The following MTX2 variants were observed in gnomAD, a reference collection of about 807,000 sequenced individuals.
MTX2 encodes metaxin-2.
In MTX2, 35 loss-of-function variants were observed where a neutral mutation model predicts 42.3. The observed-to-expected ratio is 0.83, with a 90% CI of 0.63 to 1.10. MTX2 has a LOEUF of 1.10. Ranked by LOEUF, MTX2 falls within the 50% of genes least tolerant of loss-of-function variation. The pLI is 0.00. For missense variants in MTX2, 307 were observed against 304.1 expected, an observed-to-expected ratio of 1.01 and a Z score of -0.07; for synonymous variants, 119 against 100.9, an observed-to-expected ratio of 1.18 and a Z score of -1.08.
At chr2:176,317,713 G>C (rs1684480851) in intron 3 of MTX2, among the ~76,000 whole-genome samples, 1 of 152,080 alleles carries the variant, frequency 6.6e-6, no homozygotes. Context: ...GGGATCCTGT[G>C]TGAACCTCGA....
intron 3 of MTX2, among the ~76,000 whole-genome samples, chr2:176,298,392 C>T (rs1372248359): frequency 1.3e-5 from 2 of 152,058 alleles, no homozygotes; most frequent in Non-Finnish European, 2.9e-5. Flanking sequence ...TTATTGATTA[C>T]ATGAGTGTTT....
chr2:176,296,169 A>C (rs1353664641), intron 1 of MTX2, among the ~76,000 whole-genome samples: 2 of 152,184 alleles, frequency 1.3e-5, no homozygotes, highest in Non-Finnish European at 2.9e-5. Context: ...TTAAGGGTCA[A>C]GTCAAGTTTC....
intron 1 of MTX2, among the ~76,000 whole-genome samples, chr2:176,282,625 T>C (rs1050180704): frequency 2.6e-5 from 4 of 152,152 alleles, no homozygotes; most frequent in Non-Finnish European, 2.9e-5. Context: ...TTTGTTCTAA[T>C]GTGTATATTA....
At chr2:176,313,574 A>G (rs968094943) in intron 3 of MTX2, among the ~76,000 whole-genome samples, 1 of 151,670 alleles carries the variant, frequency 6.6e-6, no homozygotes, top group South Asian at 2.1e-4. Flanking sequence ...TTGTGTTTTT[A>G]GTAGAGACGG....
At chr2:176,309,147 T>C (rs985073480) in intron 3 of MTX2, among the ~76,000 whole-genome samples, 17 of 152,204 alleles carry the variant, frequency 1.1e-4, no homozygotes, top group Non-Finnish European at 1.9e-4. Context: ...ATTTCGTTAT[T>C]TACCCAGTAG....
intron 9 of MTX2, among the ~76,000 whole-genome samples, chr2:176,334,879 T>C (rs565376006): frequency 6.6e-6 from 1 of 152,064 alleles, no homozygotes; most frequent in East Asian, 1.9e-4. Context: ...AGTTATAATA[T>C]GGTATGAGAA....
intron 1 of MTX2, among the ~76,000 whole-genome samples, chr2:176,283,680 G>T (rs573146159): frequency 2.6e-5 from 4 of 152,166 alleles, no homozygotes; most frequent in Non-Finnish European, 5.9e-5. Flanking sequence ...AAAAACATAG[G>T]TGCTGACATT....
intron 9 of MTX2, among the ~76,000 whole-genome samples, chr2:176,332,806 ACACT>A (rs563917570): frequency 4.6e-5 from 7 of 151,584 alleles, no homozygotes; most frequent in Admixed American, 2.6e-4. Context: ...CAATTAGGAA[ACACT>A]CAGACAAAAT....
intron 1 of MTX2, among the ~76,000 whole-genome samples, chr2:176,290,953 G>T (rs1334301826): frequency 6.6e-6 from 1 of 151,926 alleles, no homozygotes; most frequent in African/African-American, 2.4e-5. Context: ...TCACTCCTCA[G>T]TTCAGCTTAT....
chr2:176,272,483 T>G, intron 1 of MTX2, among the ~76,000 whole-genome samples: 1 of 152,228 alleles, frequency 6.6e-6, no homozygotes. Flanking sequence ...ATTCTTTCTA[T>G]TCTTTGATTT....
At chr2:176,274,486 G>C (rs900177785) in intron 1 of MTX2, among the ~76,000 whole-genome samples, 1 of 152,180 alleles carries the variant, frequency 6.6e-6, no homozygotes, top group Non-Finnish European at 1.5e-5. Flanking sequence ...GGTATTTAGA[G>C]AGTTGTTATC....
At chr2:176,287,172 C>T (rs1468052277) in intron 1 of MTX2, among the ~76,000 whole-genome samples, 2 of 152,096 alleles carry the variant, frequency 1.3e-5, no homozygotes, top group East Asian at 3.9e-4. Context: ...AATAGAAGTG[C>T]CTTATGGGCA....
intron 1 of MTX2, among the ~76,000 whole-genome samples, chr2:176,277,533 G>A (rs1692976719): frequency 6.6e-6 from 1 of 152,066 alleles, no homozygotes; most frequent in Admixed American, 6.5e-5. Flanking sequence ...CTCCTGAGTA[G>A]CTGGGATTAC....
intron 2 of MTX2, 95 bp from the exon 3 acceptor site, chr2:176,297,754 G>A: frequency 1.6e-6 from 1 of 637,032 alleles, no homozygotes; most frequent in Non-Finnish European, 2.4e-6. Flanking sequence ...GAATTTAGTG[G>A]TAGGCGATAC....
At chr2:176,311,738 C>T (rs757096317) in intron 3 of MTX2, among the ~76,000 whole-genome samples, 4 of 152,212 alleles carry the variant, frequency 2.6e-5, no homozygotes, top group Admixed American at 6.5e-5. Flanking sequence ...CCTTGTCTGC[C>T]GGTTGCTAAG....
At chr2:176,304,506 T>C (rs903038031) in intron 3 of MTX2, 1 of 152,156 alleles carries the variant, frequency 6.6e-6, no homozygotes, top group South Asian at 2.1e-4. Flanking sequence ...CCTAACACTT[T>C]TCATTTATAA....
intron 7 of MTX2, among the ~76,000 whole-genome samples, 164 bp from the exon 8 acceptor site, chr2:176,329,137 G>A (rs888721336): frequency 6.6e-6 from 1 of 151,170 alleles, no homozygotes; most frequent in Non-Finnish European, 1.5e-5. Flanking sequence ...TATTTTTAAA[G>A]GGAATGGCTT....
At chr2:176,333,160 A>G (rs1257554332) in intron 9 of MTX2, among the ~76,000 whole-genome samples, 2 of 151,566 alleles carry the variant, frequency 1.3e-5, no homozygotes, top group African/African-American at 4.8e-5. Context: ...TAAAAAGTCT[A>G]TAAAGATAAA....
chr2:176,297,140 G>T (rs1029518425), intron 2 of MTX2, among the ~76,000 whole-genome samples: 1 of 152,126 alleles, frequency 6.6e-6, no homozygotes, highest in Admixed American at 6.6e-5. Context: ...TGCTGTAGGC[G>T]GTGTAAAATG....
Sources: gnomAD v4.1 joint callset for allele counts (sites outside exome capture counted in the v4.1 genomes callset) on GRCh38, gnomAD v4.1.1 for gene constraint, MANE v1.5 for transcripts, NCBI Gene and HGNC (gene_info 2026-07-23, HGNC 2026-07-21) for gene names.